The following ANKRD30B variants were observed in gnomAD, a reference collection of about 807,000 sequenced individuals.
ANKRD30B encodes ankyrin repeat domain 30B.
In ANKRD30B, 144 loss-of-function variants were observed where a neutral mutation model predicts 202.2. That is an observed-to-expected ratio of 0.71 (90% confidence interval 0.62 to 0.82). The LOEUF is 0.82. Ranked by LOEUF, ANKRD30B falls within the 40% of genes least tolerant of loss-of-function variation. The pLI is 0.00. For missense variants in ANKRD30B, 1,487 were observed against 1,669.1 expected (o/e 0.89, Z 1.90); for synonymous variants, 508 against 561.3 (o/e 0.91, Z 1.34).
chr18:14,936,890 G>GA, the ANKRD30B span, among the ~76,000 whole-genome samples: 1 of 152,168 alleles, frequency 6.6e-6, no homozygotes, highest in East Asian at 1.9e-4. Context: ...AGGCTGGCTG[G>GA]AAAATCATGA....
intron 9 of ANKRD30B, among the ~76,000 whole-genome samples, chr18:14,777,244 A>C (rs1967414299): frequency 6.6e-6 from 1 of 152,182 alleles, no homozygotes; most frequent in Non-Finnish European, 1.5e-5. Flanking sequence ...TTTGGTTTTC[A>C]ATATGTGAAC....
chr18:14,821,521 G>T (rs756454734), intron 30 of ANKRD30B, among the ~76,000 whole-genome samples: 2 of 152,112 alleles, frequency 1.3e-5, no homozygotes, highest in African/African-American at 4.8e-5. Flanking sequence ...GCAGTGGCAC[G>T]ATCTTGACTC....
intron 14 of ANKRD30B, 67 bp downstream of exon 14, chr18:14,784,602 A>T (rs1967958718): frequency 6.8e-7 from 1 of 1,479,050 alleles, no homozygotes; most frequent in Non-Finnish European, 9.3e-7. Flanking sequence ...TAGTCTTTCT[A>T]TCCCCAATGA....
At chr18:14,832,614 T>G (rs1971001954) in intron 34 of ANKRD30B, among the ~76,000 whole-genome samples, 1 of 152,230 alleles carries the variant, frequency 6.6e-6, no homozygotes, top group Admixed American at 6.5e-5. Flanking sequence ...AAAAGCATTT[T>G]AAGCGGTTTT....
Position 14,754,894 on chromosome 18 carries a change from T to C in ANKRD30B, c.511-5T>C, listed in dbSNP as rs775074362. On this transcript the variant is annotated splice_polypyrimidine_tract_variant and splice_region_variant and intron_variant, in intron 3 of 43. Coordinates refer to ENST00000690538, the MANE Select transcript of ANKRD30B (RefSeq NM_001367607.2). The stretch of plus-strand genomic sequence containing the variant: ...TGAATTATATATTGTTCTGCTATTT[T>C]ACAGGCTAGCCTCACACCCCTTTTA... The C allele has an allele frequency of 2.6e-6, 4 of 1,511,556 alleles. No individual in the cohort carries two copies. Among genetic ancestry groups the C allele is most frequent in the Middle Eastern group, 3.5e-4 (2 of 5,776 alleles). The allele number at this position is 1,511,556 out of a possible 1,614,324, so 93.6% of individuals were successfully genotyped here. A position where few individuals can be genotyped will look rare whatever the true frequency, so the allele number is the denominator to read the frequency against.
chr18:14,790,932 T>C (rs1968453427), intron 15 of ANKRD30B, among the ~76,000 whole-genome samples: 1 of 152,158 alleles, frequency 6.6e-6, no homozygotes, highest in African/African-American at 2.4e-5. Flanking sequence ...GATTCCCTCT[T>C]TTTCTATTGA....
chr18:14,924,606 G>T, the ANKRD30B span, among the ~76,000 whole-genome samples: 2 of 152,336 alleles, frequency 1.3e-5, no homozygotes, highest in East Asian at 3.9e-4. Flanking sequence ...CACACAGCAG[G>T]GGCTGGGGCC....
chr18:14,900,914 G>A, the ANKRD30B span, among the ~76,000 whole-genome samples: 1 of 152,296 alleles, frequency 6.6e-6, no homozygotes, highest in Non-Finnish European at 1.5e-5. Context: ...GTGGAGCAGA[G>A]TTCTCACTCT....
chr18:14,759,643 T>C (rs562135129), intron 5 of ANKRD30B, among the ~76,000 whole-genome samples: 112 of 152,348 alleles, frequency 7.4e-4, no homozygotes, highest in Non-Finnish European at 1.1e-3. Flanking sequence ...ACAGTAGTAG[T>C]AGTCCAAGCC....
At chr18:14,770,653 CAA>C (rs1300415963) in intron 8 of ANKRD30B, among the ~76,000 whole-genome samples, 2 of 152,080 alleles carry the variant, frequency 1.3e-5, no homozygotes, top group African/African-American at 2.4e-5. Context: ...GATTTTATGA[CAA>C]GTTTGATTAA....
chr18:14,926,795 C>T, the ANKRD30B span, among the ~76,000 whole-genome samples: 9 of 151,954 alleles, frequency 5.9e-5, no homozygotes, highest in African/African-American at 1.7e-4. Flanking sequence ...AGGGTAGTGG[C>T]GCGAGCCTAT....
chr18:14,797,622 C>T (rs1443014496), intron 18 of ANKRD30B, 39 bp from the exon 19 acceptor site: 1 of 1,582,230 alleles, frequency 6.3e-7, no homozygotes, highest in East Asian at 2.2e-5. Context: ...CTTTGTCAGG[C>T]TTGCATATAA....
At chr18:14,911,421 G>A in the ANKRD30B span, among the ~76,000 whole-genome samples, 1 of 152,138 alleles carries the variant, frequency 6.6e-6, no homozygotes, top group Non-Finnish European at 1.5e-5. Flanking sequence ...CTTTGTCAAA[G>A]ATAATTTGAT....
At chr18:14,913,556 C>T in the ANKRD30B span, among the ~76,000 whole-genome samples, 6 of 152,290 alleles carry the variant, frequency 3.9e-5, no homozygotes, top group African/African-American at 1.2e-4. Flanking sequence ...ACAGGATCTG[C>T]GCTATTCAAG....
chr18:14,935,160 T>C, the ANKRD30B span, among the ~76,000 whole-genome samples: 1 of 152,148 alleles, frequency 6.6e-6, no homozygotes. Context: ...AGCACAGCCA[T>C]TGTCATAGCC....
the ANKRD30B span, among the ~76,000 whole-genome samples, chr18:14,890,454 A>G: frequency 6.6e-6 from 1 of 151,662 alleles, no homozygotes; most frequent in South Asian, 2.1e-4. Context: ...CATTGCTCTT[A>G]TGTATTAACT....
At chr18:14,781,034 C>CT (rs1967701092) in intron 11 of ANKRD30B, among the ~76,000 whole-genome samples, 1 of 152,276 alleles carries the variant, frequency 6.6e-6, no homozygotes, top group South Asian at 2.1e-4. Context: ...CAAGCCCCTG[C>CT]TGCACAGTGG....
the ANKRD30B span, among the ~76,000 whole-genome samples, chr18:14,893,803 GTCTT>G: frequency 6.6e-6 from 1 of 150,918 alleles, no homozygotes; most frequent in African/African-American, 2.4e-5. Context: ...AGAAGAGGCT[GTCTT>G]TCTTTGTGGA....
the ANKRD30B span, among the ~76,000 whole-genome samples, chr18:14,931,954 CTCCTCCT>C: frequency 5.2e-5 from 3 of 58,242 alleles, no homozygotes; most frequent in African/African-American, 1.7e-4. Context: ...CCCCACCTCC[CTCCTCCT>C]TCCTCCCTCC....
Sources: allele counts gnomAD v4.1 joint callset (sites outside exome capture counted in the v4.1 genomes callset), GRCh38; gene constraint gnomAD v4.1.1; transcripts MANE v1.5; gene names NCBI Gene and HGNC (gene_info 2026-07-23, HGNC 2026-07-21).